The following ARHGAP26 variants were observed in gnomAD, a reference collection of about 807,000 sequenced individuals.
ARHGAP26 encodes the protein rho GTPase-activating protein 26.
ARHGAP26 carries 38 observed loss-of-function variants against 104.8 expected under a neutral mutation model. The ratio of observed to expected loss-of-function variants is 0.36; its 90% CI spans 0.28 to 0.48. The LOEUF is 0.48. Ranked by LOEUF, ARHGAP26 falls within the 20% of genes least tolerant of loss-of-function variation. The pLI is 0.99. For synonymous variants in ARHGAP26, 341 were observed against 340.0 expected, an observed-to-expected ratio of 1.00 and a Z score of -0.03; for missense variants, 704 against 947.9, an observed-to-expected ratio of 0.74 and a Z score of 3.38.
intron 17 of ARHGAP26, among the ~76,000 whole-genome samples, chr5:143,115,826 T>C (rs1264052287): frequency 1.3e-5 from 2 of 152,232 alleles, no homozygotes; most frequent in Non-Finnish European, 2.9e-5. Context: ...GCCATCCAGC[T>C]GTTAATGTCT....
chr5:143,128,875 T>C (rs563135980), intron 18 of ARHGAP26, among the ~76,000 whole-genome samples: 9 of 152,360 alleles, frequency 5.9e-5, no homozygotes, highest in African/African-American at 1.4e-4. Context: ...TACTTTGCAG[T>C]TGTAGACTAG....
At chr5:142,907,916 T>C in intron 9 of ARHGAP26, 112 bp downstream of exon 9, 3 of 632,874 alleles carry the variant, frequency 4.7e-6, no homozygotes, top group Non-Finnish European at 7.0e-6. Flanking sequence ...ATCATAAATT[T>C]AAAATTAATA....
chr5:143,031,489 G>A (rs10452527), intron 12 of ARHGAP26, among the ~76,000 whole-genome samples: 13,621 of 151,958 alleles, frequency 0.09, 1,939 homozygotes, highest in African/African-American at 0.3. Context: ...GGGACTTGGT[G>A]ATAATTTGGA....
intron 1 of ARHGAP26, among the ~76,000 whole-genome samples, chr5:142,856,942 G>C (rs1374821649): frequency 1.3e-5 from 2 of 152,200 alleles, no homozygotes; most frequent in Admixed American, 6.5e-5. Flanking sequence ...TTTTCTCACA[G>C]TTCTGGAGGC....
At chr5:143,142,817 T>C (rs1304155336) in intron 19 of ARHGAP26, among the ~76,000 whole-genome samples, 1 of 152,234 alleles carries the variant, frequency 6.6e-6, no homozygotes, top group East Asian at 1.9e-4. Context: ...TCATCCCATC[T>C]TGTCAAGATG....
chr5:143,142,829 T>C (rs1798723766), intron 19 of ARHGAP26, among the ~76,000 whole-genome samples: 1 of 152,222 alleles, frequency 6.6e-6, no homozygotes, highest in Admixed American at 6.5e-5. Context: ...GTCAAGATGA[T>C]ACATTACAGA....
intron 22 of ARHGAP26, among the ~76,000 whole-genome samples, chr5:143,217,725 C>T (rs258824): frequency 0.19 from 28,960 of 152,180 alleles, 3,464 homozygotes; most frequent in East Asian, 0.41. Flanking sequence ...CAGCCATCTT[C>T]GCTGCCACGC....
chr5:142,778,992 A>T (rs1005334684), intron 1 of ARHGAP26, among the ~76,000 whole-genome samples: 2 of 151,028 alleles, frequency 1.3e-5, no homozygotes, highest in Admixed American at 1.3e-4. Context: ...GGAAAGAGAG[A>T]TGACAATTAA....
intron 11 of ARHGAP26, among the ~76,000 whole-genome samples, chr5:142,957,106 A>G (rs1423070461): frequency 6.6e-6 from 1 of 152,176 alleles, no homozygotes; most frequent in Non-Finnish European, 1.5e-5. Context: ...TGAAGAGAAA[A>G]CACAGGAGTT....
At chr5:143,149,673 GC>G (rs1799584040) in intron 20 of ARHGAP26, among the ~76,000 whole-genome samples, 1 of 152,192 alleles carries the variant, frequency 6.6e-6, no homozygotes, top group African/African-American at 2.4e-5. Context: ...TTGGGTCTCA[GC>G]CTCAGGTGTG....
intron 19 of ARHGAP26, among the ~76,000 whole-genome samples, chr5:143,141,815 T>A (rs1191137866): frequency 6.6e-6 from 1 of 152,218 alleles, no homozygotes; most frequent in Non-Finnish European, 1.5e-5. Context: ...TCAACATTCA[T>A]CAGAGGCCCA....
intron 17 of ARHGAP26, among the ~76,000 whole-genome samples, chr5:143,062,837 T>C (rs974952552): frequency 5.9e-5 from 9 of 152,152 alleles, no homozygotes; most frequent in African/African-American, 1.7e-4. Context: ...ATCTAGAAGA[T>C]AAGATTTAAC....
chr5:143,076,415 T>C (rs951233599), intron 17 of ARHGAP26, among the ~76,000 whole-genome samples: 3 of 152,214 alleles, frequency 2.0e-5, no homozygotes, highest in Admixed American at 2.0e-4. Context: ...TCCCTTTTTT[T>C]ATTTTGAAAT....
At chr5:143,132,962 A>G (rs1293793496) in intron 18 of ARHGAP26, among the ~76,000 whole-genome samples, 1 of 152,266 alleles carries the variant, frequency 6.6e-6, no homozygotes, top group East Asian at 1.9e-4. Context: ...TGCTGAGGAC[A>G]TTACCTGTTG....
chr5:143,046,373 A>G (rs1048596164), intron 14 of ARHGAP26, among the ~76,000 whole-genome samples: 2 of 152,106 alleles, frequency 1.3e-5, no homozygotes, highest in Non-Finnish European at 1.5e-5. Flanking sequence ...ATTTTTTTGT[A>G]CTCTTAATAC....
At chr5:143,086,625 A>G (rs1351227603) in intron 17 of ARHGAP26, among the ~76,000 whole-genome samples, 1 of 152,186 alleles carries the variant, frequency 6.6e-6, no homozygotes, top group East Asian at 1.9e-4. Context: ...TGAAATGCTC[A>G]CTGCTCTAGG....
At chr5:142,927,613 A>G (rs916439206) in intron 10 of ARHGAP26, among the ~76,000 whole-genome samples, 1 of 152,360 alleles carries the variant, frequency 6.6e-6, no homozygotes, top group South Asian at 2.1e-4. Flanking sequence ...ATTTTTGGCT[A>G]TTCTAAATAA....
chr5:142,802,615 T>C (rs1395566418), intron 1 of ARHGAP26, among the ~76,000 whole-genome samples: 1 of 152,210 alleles, frequency 6.6e-6, no homozygotes, highest in Non-Finnish European at 1.5e-5. Context: ...ATTGTAATCG[T>C]CAGTTGAAGT....
intron 11 of ARHGAP26, among the ~76,000 whole-genome samples, chr5:142,996,259 C>T (rs995977224): frequency 1.1e-4 from 16 of 152,064 alleles, no homozygotes; most frequent in African/African-American, 3.9e-4. Context: ...TTTGAAAGGC[C>T]GAGGTGGGCA....
Sources: gnomAD v4.1 joint callset for allele counts (sites outside exome capture counted in the v4.1 genomes callset) on GRCh38, gnomAD v4.1.1 for gene constraint, MANE v1.5 for transcripts, NCBI Gene and HGNC (gene_info 2026-07-23, HGNC 2026-07-21) for gene names.